The following PER3 variants were observed in gnomAD, a reference collection of about 807,000 sequenced individuals.
PER3 encodes period circadian protein homolog 3.
A neutral mutation model predicts 127.2 loss-of-function variants in PER3; 107 were observed. That is an observed-to-expected ratio of 0.84 (90% CI 0.72 to 0.99). The LOEUF (loss-of-function observed/expected upper bound fraction) is 0.99, where lower values mean the gene tolerates loss of function less well. Among genes scored for constraint, PER3 ranks in the 50% least tolerant of loss-of-function variants. The pLI is 0.00. For missense variants in PER3, 1,560 were observed against 1,525.8 expected (o/e 1.02, Z -0.37); for synonymous variants, 618 against 585.8 (o/e 1.05, Z -0.79).
At chr1:7,840,626 TTC>T (rs1413382602) in intron 21 of PER3, among the ~76,000 whole-genome samples, 1 of 148,734 alleles carries the variant, frequency 6.7e-6, no homozygotes, top group Non-Finnish European at 1.5e-5. Context: ...CTTTTTCTTT[TTC>T]TTTCTTTTTT....
chr1:7,842,676 G>C lies in PER3; in HGVS notation c.3554G>C (p.Cys1185Ser), dbSNP rs114915091. ...TVTQEIDIQA[C>S]VTCENEDSAD... is the part of the protein sequence containing the mutation. ...CTGCTTTGTTCTTTTTTGGAGGCCTGTGTCACTTGTGAAAATGAAGATTCA... is the reference window on the plus strand; with the variant it reads ...CTGCTTTGTTCTTTTTTGGAGGCCTCTGTCACTTGTGAAAATGAAGATTCA... The change falls in exon 22 of 22, where the codon TGT (cysteine) becomes TCT (serine). Residue 1185 changes from cysteine to serine, a missense_variant. Cys to Ser is a moderately radical substitution (Grantham distance 112). This residue lies in a region of PER3 where 199 missense variants were observed against 198.6 expected (regional missense o/e 1.00). Transcript: ENST00000377532. The C allele has an allele frequency of 2.0e-3, 3,212 of 1,613,258 alleles. 64 individuals carry two copies. In the African/African-American group the frequency reaches 0.036, roughly 18 times the overall value.
intron 10 of PER3, among the ~76,000 whole-genome samples, chr1:7,804,118 G>A (rs1303660646): frequency 1.3e-5 from 2 of 151,880 alleles, no homozygotes; most frequent in African/African-American, 4.8e-5. Flanking sequence ...GAAAATTTTT[G>A]CAGAGATCAC....
intron 1 of PER3, 40 bp from the exon 2 acceptor site, chr1:7,784,614 G>C: frequency 2.9e-6 from 1 of 350,148 alleles, no homozygotes; most frequent in Non-Finnish European, 5.1e-6. Context: ...CGGACTGTCT[G>C]TTCCATTTGT....
At chr1:7,812,149 T>C (rs1346784472) in intron 13 of PER3, among the ~76,000 whole-genome samples, 18 of 152,166 alleles carry the variant, frequency 1.2e-4, no homozygotes, top group Admixed American at 1.2e-3. Context: ...GATCTCATGG[T>C]AGTATCACAG....
intron 8 of PER3, 88 bp from the exon 9 acceptor site, chr1:7,802,959 C>T: frequency 2.5e-6 from 2 of 809,260 alleles, no homozygotes; most frequent in Non-Finnish European, 4.4e-6. Flanking sequence ...AATTGTCTCA[C>T]ATTTAGAATG....
intron 3 of PER3, 25 bp from the exon 4 acceptor site, chr1:7,786,696 C>T: frequency 8.6e-7 from 1 of 1,166,546 alleles, no homozygotes; most frequent in Non-Finnish European, 1.3e-6. Context: ...ACTGGACTAC[C>T]TGTTTATCTC....
intron 3 of PER3, 103 bp from the exon 4 acceptor site, chr1:7,786,618 G>A: frequency 1.5e-6 from 1 of 658,988 alleles, no homozygotes. Flanking sequence ...ATGCACTGAG[G>A]TGTTCTCATC....
chr1:7,784,624 T>A, intron 1 of PER3, 30 bp from the exon 2 acceptor site: 1 of 372,248 alleles, frequency 2.7e-6, no homozygotes, highest in Non-Finnish European at 4.8e-6. Context: ...GTTCCATTTG[T>A]CCCTTGTCAC....
chr1:7,808,750 T>C (rs546485746), intron 10 of PER3, 143 bp from the exon 11 acceptor site: 1 of 628,364 alleles, frequency 1.6e-6, no homozygotes, highest in South Asian at 1.9e-5. Flanking sequence ...CCTTCATGAA[T>C]AGAATTCTAG....
intron 10 of PER3, among the ~76,000 whole-genome samples, chr1:7,804,464 A>C (rs2097184447): frequency 6.7e-6 from 1 of 149,326 alleles, no homozygotes; most frequent in Non-Finnish European, 1.5e-5. Flanking sequence ...CAGTGATGCG[A>C]TCACAGCTCA....
intron 2 of PER3, 88 bp from the exon 3 acceptor site, chr1:7,785,353 A>ACT: frequency 9.4e-7 from 1 of 1,062,742 alleles, no homozygotes. Flanking sequence ...GCACTTAGAA[A>ACT]CTTACCTGGC....
In PER3 at chr1:7,820,195, AAGAC is replaced by A; in HGVS notation, c.1741_1744del (p.Asp581AsnfsTer33). On this transcript the variant is annotated frameshift_variant, in exon 15 of 22. Transcript: ENST00000377532. LOFTEE classifies it high-confidence loss of function. ...AATACAACTTCTTCCTCCTCAGAAG[AAGAC>A]AAACAGAACCACAAGGCAGATGATG... The A allele has an allele frequency of 6.2e-7, 1 of 1,613,986 alleles. No homozygotes were observed. Among genetic ancestry groups the A allele is most frequent in the Non-Finnish European group, 8.5e-7 (1 of 1,179,854 alleles).
chr1:7,819,879 G>A (rs12411106), intron 14 of PER3, among the ~76,000 whole-genome samples: 7,368 of 151,812 alleles, frequency 0.049, 626 homozygotes, highest in East Asian at 0.27. Flanking sequence ...TTCCAGTGTG[G>A]CCCAGGGAAG....
chr1:7,822,926 A>G (rs1315279273), intron 16 of PER3, among the ~76,000 whole-genome samples: 1 of 151,986 alleles, frequency 6.6e-6, no homozygotes, highest in Non-Finnish European at 1.5e-5. Flanking sequence ...AAGTGTGGTG[A>G]CCCACACCTG....
intron 8 of PER3, among the ~76,000 whole-genome samples, 182 bp downstream of exon 8, chr1:7,801,373 T>C (rs1394014708): frequency 2.0e-5 from 3 of 152,246 alleles, no homozygotes; most frequent in African/African-American, 4.8e-5. Flanking sequence ...TTTTGCATAT[T>C]ATAAAGTGAT....
intron 5 of PER3, among the ~76,000 whole-genome samples, chr1:7,792,703 C>T (rs2097127540): frequency 6.6e-6 from 1 of 152,190 alleles, no homozygotes; most frequent in South Asian, 2.1e-4. Context: ...TGTTGTCAAC[C>T]TCTGGTCCTG....
chr1:7,798,462 C>T (rs2150621500), intron 6 of PER3, 63 bp from the exon 7 acceptor site: 1 of 1,279,492 alleles, frequency 7.8e-7, no homozygotes, highest in East Asian at 2.5e-5. Flanking sequence ...TTCTCCCAGC[C>T]TTGTTTCGCC....
At chr1:7,834,387 A>G (rs186607232) in intron 19 of PER3, among the ~76,000 whole-genome samples, 14 of 152,318 alleles carry the variant, frequency 9.2e-5, no homozygotes, top group Non-Finnish European at 2.1e-4. Context: ...AAAACCCACA[A>G]TAACATTGTT....
intron 16 of PER3, among the ~76,000 whole-genome samples, chr1:7,822,800 T>C (rs1039615545): frequency 3.3e-4 from 51 of 152,282 alleles, no homozygotes; most frequent in African/African-American, 1.1e-3. Context: ...GGTTCACAAC[T>C]GTAACCCCAG....
Sources: gnomAD v4.1 joint callset for allele counts (sites outside exome capture counted in the v4.1 genomes callset) on GRCh38, gnomAD v4.1.1 for gene constraint, gnomAD v4.1.1 regional missense constraint, MANE v1.5 for transcripts, NCBI Gene and HGNC (gene_info 2026-07-23, HGNC 2026-07-21) for gene names.